CCSER1: variants seen among roughly 807,000 people sequenced by gnomAD.
The protein encoded by CCSER1 is serine-rich coiled-coil domain-containing protein 1.
A neutral mutation model predicts 82.0 loss-of-function variants in CCSER1; 41 were observed. That is an observed-to-expected ratio of 0.50 (90% CI 0.39 to 0.65). The LOEUF is 0.65. Among genes scored for constraint, CCSER1 ranks in the 30% least tolerant of loss-of-function variants. The pLI, the probability that CCSER1 is intolerant of heterozygous loss-of-function variation, is 0.00. For missense variants in CCSER1, 1,119 were observed against 1,064.2 expected (o/e 1.05, Z -0.72); for synonymous variants, 414 against 383.9 (o/e 1.08, Z -0.92).
At chr4:90,666,945 A>G (rs1731898767) in intron 6 of CCSER1, among the ~76,000 whole-genome samples, 1 of 152,206 alleles carries the variant, frequency 6.6e-6, no homozygotes, top group African/African-American at 2.4e-5. Context: ...TTTACAAAGA[A>G]AATAATAACT....
chr4:90,400,842 AT>A (rs1338588472), intron 4 of CCSER1, among the ~76,000 whole-genome samples: 8 of 152,146 alleles, frequency 5.3e-5, no homozygotes, highest in African/African-American at 9.7e-5. Flanking sequence ...TTTACACTTA[AT>A]TTTTTTGTTG....
At chr4:90,957,098 C>CTTTTTTTTT (rs1215668480) in intron 9 of CCSER1, among the ~76,000 whole-genome samples, 1 of 86,680 alleles carries the variant, frequency 1.2e-5, no homozygotes, top group Non-Finnish European at 2.3e-5. Flanking sequence ...TCTTTCTTTC[C>CTTTTTTTTT]TTTTTTTTTT....
At chr4:90,622,307 A>C (rs950703937) in intron 5 of CCSER1, among the ~76,000 whole-genome samples, 1 of 152,178 alleles carries the variant, frequency 6.6e-6, no homozygotes, top group Non-Finnish European at 1.5e-5. Context: ...TCTAGGGTAC[A>C]TGTGCACAAC....
intron 1 of CCSER1, among the ~76,000 whole-genome samples, chr4:90,146,769 T>C (rs555105899): frequency 6.6e-6 from 1 of 152,240 alleles, no homozygotes; most frequent in East Asian, 1.9e-4. Context: ...AGATGATCAA[T>C]TTTCCTTAAC....
At chr4:90,933,049 G>GAAAGAAAGAAAGAAAGA (rs1477696736) in intron 9 of CCSER1, among the ~76,000 whole-genome samples, 2 of 97,454 alleles carry the variant, frequency 2.1e-5, no homozygotes, top group Admixed American at 1.0e-4. Flanking sequence ...AGAAAGAGAA[G>GAAAGAAAGAAAGAAAGA]GAAGGAACGA....
At chr4:90,462,522 A>G (rs1027676035) in intron 4 of CCSER1, among the ~76,000 whole-genome samples, 8 of 152,236 alleles carry the variant, frequency 5.3e-5, no homozygotes, top group Admixed American at 5.2e-4. Flanking sequence ...CACTTGGGTT[A>G]GTATTTGAAT....
At chr4:90,894,628 A>G (rs1723439036) in intron 8 of CCSER1, among the ~76,000 whole-genome samples, 1 of 151,102 alleles carries the variant, frequency 6.6e-6, no homozygotes, top group Admixed American at 6.6e-5. Flanking sequence ...TCTCCTGTTC[A>G]TTTTTGCCTT....
chr4:91,285,117 C>G (rs1201032679), intron 10 of CCSER1, among the ~76,000 whole-genome samples: 1 of 151,838 alleles, frequency 6.6e-6, no homozygotes, highest in Non-Finnish European at 1.5e-5. Flanking sequence ...GTCCTTTGCT[C>G]TTATTTCTTT....
At chr4:90,399,134 A>T (rs1455994702) in intron 3 of CCSER1, among the ~76,000 whole-genome samples, 1 of 151,978 alleles carries the variant, frequency 6.6e-6, no homozygotes, top group Non-Finnish European at 1.5e-5. Flanking sequence ...ATAAGTTCTT[A>T]CTTTTCTTAA....
intron 5 of CCSER1, among the ~76,000 whole-genome samples, chr4:90,477,701 T>A (rs1765306716): frequency 6.6e-6 from 1 of 152,102 alleles, no homozygotes; most frequent in African/African-American, 2.4e-5. Context: ...TTTTTTATCT[T>A]CTATTTTACT....
intron 3 of CCSER1, among the ~76,000 whole-genome samples, chr4:90,385,662 C>T (rs192506288): frequency 1.5e-4 from 23 of 151,732 alleles, no homozygotes; most frequent in East Asian, 9.7e-4. Flanking sequence ...AGGGTTTCAC[C>T]GTGTTAGCCA....
chr4:90,411,152 A>T (rs1408048948), intron 4 of CCSER1, among the ~76,000 whole-genome samples: 1 of 152,206 alleles, frequency 6.6e-6, no homozygotes, highest in Non-Finnish European at 1.5e-5. Flanking sequence ...AACCAAAAAA[A>T]GTCCAGGACC....
rs183581278 is a variant in CCSER1 at position 90,977,372 on chromosome 4, A to G, written c.2172+53925A>G. Among the ~76,000 whole-genome samples the G allele has an allele frequency of 3.6e-3, 552 of 151,622 alleles. 9 individuals carry two copies. Among genetic ancestry groups the G allele is most frequent in the African/African-American group, 0.012 (509 of 41,366 alleles). ...GCTAAAAGCAATCTTTGACATATAC[A>G]TACGTATATATATATGTATATATAC... On this transcript the variant is annotated intron_variant, in intron 9 of 10. Coordinates refer to ENST00000509176, the MANE Select transcript of CCSER1 (RefSeq NM_001145065.2).
intron 9 of CCSER1, among the ~76,000 whole-genome samples, chr4:91,057,552 T>A (rs1171798907): frequency 6.6e-6 from 1 of 152,180 alleles, no homozygotes; most frequent in African/African-American, 2.4e-5. Flanking sequence ...TAGCTGTTTC[T>A]AGTCTTCATT....
At chr4:91,387,813 C>T (rs943548156) in intron 10 of CCSER1, among the ~76,000 whole-genome samples, 1 of 151,978 alleles carries the variant, frequency 6.6e-6, no homozygotes, top group Non-Finnish European at 1.5e-5. Flanking sequence ...GATGGGAAAA[C>T]AGTTAAAAGT....
At chr4:91,420,745 G>A (rs1753641990) in intron 10 of CCSER1, among the ~76,000 whole-genome samples, 1 of 152,084 alleles carries the variant, frequency 6.6e-6, no homozygotes, top group Non-Finnish European at 1.5e-5. Context: ...TCATCAGGTT[G>A]ACTGCAATAT....
rs1414023353 is a variant in CCSER1, at chr4:90,661,992, C to T, written c.1932+33760C>T. ...GTTTGTCCTATACCACTCTTTGTTT[C>T]TTTCTTTCTTTTTTTTTTTTTTTTG... is the stretch of plus-strand genomic sequence containing the variant. On this transcript the variant is annotated intron_variant, in intron 6 of 10. Coordinates refer to ENST00000509176, the MANE Select transcript of CCSER1 (RefSeq NM_001145065.2). Among the ~76,000 whole-genome samples, 47 of 144,554 alleles carry T rather than the reference C, an allele frequency of 3.3e-4. No individual in the cohort carries two copies. The East Asian group carries it at 9.3e-3, about 28-fold the overall frequency. 94.8% of individuals were successfully genotyped at this position (144,554 alleles called of 152,430 possible).
chr4:90,594,876 A>G (rs1196355265), intron 5 of CCSER1, among the ~76,000 whole-genome samples: 1 of 152,084 alleles, frequency 6.6e-6, no homozygotes, highest in African/African-American at 2.4e-5. Flanking sequence ...CTAGTATTAG[A>G]TGCTTGGAAA....
At chr4:90,560,004 A>C (rs1778576493) in intron 5 of CCSER1, among the ~76,000 whole-genome samples, 4 of 151,930 alleles carry the variant, frequency 2.6e-5, no homozygotes, top group Admixed American at 2.6e-4. Flanking sequence ...AAGGACTGAC[A>C]GCTGAAGCTT....
Sources: gnomAD v4.1 joint callset for allele counts (sites outside exome capture counted in the v4.1 genomes callset) on GRCh38, gnomAD v4.1.1 for gene constraint, MANE v1.5 for transcripts, NCBI Gene and HGNC (gene_info 2026-07-23, HGNC 2026-07-21) for gene names.